The following CATSPERE variants were observed in gnomAD, a reference collection of about 807,000 sequenced individuals.
CATSPERE encodes the protein cation channel sperm-associated auxiliary subunit epsilon.
In CATSPERE, 93 loss-of-function variants were observed where a neutral mutation model predicts 114.1. That is an observed-to-expected ratio of 0.81 (90% CI 0.69 to 0.97). CATSPERE has a LOEUF of 0.97. CATSPERE is among the 50% of genes least tolerant of loss of function. The pLI, the probability that CATSPERE is intolerant of heterozygous loss-of-function variation, is 0.00. For missense variants in CATSPERE, 1,058 were observed against 1,131.6 expected (o/e 0.93, Z 0.93); for synonymous variants, 341 against 384.1 (o/e 0.89, Z 1.31).
At chr1:244,530,838 A>G (rs932905205) in intron 8 of CATSPERE, among the ~76,000 whole-genome samples, 1 of 152,234 alleles carries the variant, frequency 6.6e-6, no homozygotes, top group East Asian at 1.9e-4. Flanking sequence ...TAGAAATGCT[A>G]CTGATTTTTA....
At chr1:244,634,932 C>T (rs1002173040) in intron 20 of CATSPERE, among the ~76,000 whole-genome samples, 4 of 152,210 alleles carry the variant, frequency 2.6e-5, no homozygotes, top group African/African-American at 9.7e-5. Flanking sequence ...GCAACCTCCG[C>T]CTCCTGGGTT....
chr1:244,549,116 C>G (rs1443615830), intron 8 of CATSPERE, among the ~76,000 whole-genome samples: 1 of 152,110 alleles, frequency 6.6e-6, no homozygotes, highest in Non-Finnish European at 1.5e-5. Flanking sequence ...ACAGGAGATC[C>G]CTTATGCATC....
chr1:244,572,100 T>TGTTATATAAGTGATATAGG (rs1361373036), intron 10 of CATSPERE, among the ~76,000 whole-genome samples: 1 of 152,200 alleles, frequency 6.6e-6, no homozygotes, highest in Non-Finnish European at 1.5e-5. Flanking sequence ...TGTTAAATGA[T>TGTTATATAAGTGATATAGG]GTTATATAAG....
Position 244,572,548 on chromosome 1 carries a change from G to A in CATSPERE, c.1726G>A (p.Ala576Thr). 1.2e-6 allele frequency: 2 copies of A among 1,614,030 alleles called. No homozygotes were observed. The highest frequency in any genetic ancestry group is 1.7e-6 in the Non-Finnish European group (2 of 1,179,924). The change falls in exon 11 of 22, where the codon GCT (alanine) becomes ACT (threonine). Residue 576 changes from alanine to threonine, a missense_variant. By Grantham distance (58) the Ala-to-Thr change is moderately conservative. Around this residue, in one of 2 missense-constraint regions of CATSPERE, gnomAD observed 787 missense variants for 905.6 expected, o/e 0.87. Coordinates refer to ENST00000366534, the MANE Select transcript of CATSPERE (RefSeq NM_001130957.2). Reference sequence around the variant, plus strand: ...CTTACATCTGGAAGCACAAAGTATAGCTTTCACAACAAAAGACAAATGCCC... The same window carrying A: ...CTTACATCTGGAAGCACAAAGTATAACTTTCACAACAAAAGACAAATGCCC... ...YPLHLEAQSIAFTTKDKCPYM... is the reference protein window; with the variant it reads ...YPLHLEAQSITFTTKDKCPYM...
chr1:244,561,156 C>T lies in CATSPERE; in HGVS notation c.1507+11C>T. 2.7e-6 allele frequency: 4 copies of T among 1,464,470 alleles called. No homozygotes were observed. The highest frequency in any genetic ancestry group is 2.3e-5 in the East Asian group (1 of 44,084). The allele number at this position is 1,464,470 out of a possible 1,614,324, so 90.7% of individuals were successfully genotyped here. On this transcript the variant is annotated intron_variant, in intron 10 of 21. Transcript: ENST00000366534. ...ATGAAGTTTTCATAGGTAAGGCATT[C>T]TCAGTCCACTAACATTATTCTAGAT... is the stretch of plus-strand genomic sequence containing the variant.
chr1:244,530,667 C>A lies in CATSPERE; in HGVS notation c.536+11969C>A, dbSNP rs146239102. 4.7e-3 allele frequency among the ~76,000 whole-genome samples: 722 copies of A among 152,092 alleles called. 4 individuals carry two copies. The highest frequency in any genetic ancestry group is 0.017 in the African/African-American group (694 of 41,508). The stretch of plus-strand genomic sequence containing the variant: ...CAATCCATGAACATGGAATGTTTTC[C>A]TTTTTTGTGTCCTCTTTAGTTGTTG... On this transcript the variant is annotated intron_variant, in intron 8 of 21. Transcript: ENST00000366534.
At chr1:244,538,802 A>AT (rs1423592699) in intron 8 of CATSPERE, among the ~76,000 whole-genome samples, 1 of 152,130 alleles carries the variant, frequency 6.6e-6, no homozygotes, top group African/African-American at 2.4e-5. Flanking sequence ...CACAGGACAC[A>AT]TTGGGAGTAC....
chr1:244,513,644 G>A (rs1572491913), intron 7 of CATSPERE, among the ~76,000 whole-genome samples: 2 of 152,176 alleles, frequency 1.3e-5, no homozygotes, highest in Non-Finnish European at 2.9e-5. Flanking sequence ...AACGAGCAGG[G>A]TGGATCTATC....
chr1:244,601,519 T>C (rs1443941403), intron 17 of CATSPERE, among the ~76,000 whole-genome samples: 1 of 152,132 alleles, frequency 6.6e-6, no homozygotes, highest in Non-Finnish European at 1.5e-5. Flanking sequence ...ATAAGACAGA[T>C]TACCTACAAT....
intron 8 of CATSPERE, among the ~76,000 whole-genome samples, chr1:244,537,798 A>G (rs747265387): frequency 6.6e-6 from 1 of 152,132 alleles, no homozygotes; most frequent in Non-Finnish European, 1.5e-5. Flanking sequence ...GTGAATTCTT[A>G]TGTGGGACTG....
Position 244,580,957 on chromosome 1 carries a change from C to T in CATSPERE, c.1951-839C>T, listed in dbSNP as rs140384866. The stretch of plus-strand genomic sequence containing the variant: ...TGGAGGTTGTAGTGAGCCAAGATTG[C>T]GCCATTGCACTTCAGCCTGGGCGAC... On this transcript the variant is annotated intron_variant, in intron 11 of 21. Coordinates refer to ENST00000366534, the MANE Select transcript of CATSPERE (RefSeq NM_001130957.2). 2.3e-3 allele frequency among the ~76,000 whole-genome samples: 352 copies of T among 152,032 alleles called. 2 individuals carry two copies. The highest frequency in any genetic ancestry group is 7.9e-3 in the African/African-American group (328 of 41,468).
Position 244,477,624 on chromosome 1 carries a change from A to G in CATSPERE, c.188+10A>G, listed in dbSNP as rs1287810231. On this transcript the variant is annotated intron_variant, in intron 3 of 21. Coordinates refer to ENST00000366534, the MANE Select transcript of CATSPERE (RefSeq NM_001130957.2). Reference sequence around the variant, plus strand: ...TTGTGCTAAATAAAAGGTAAGATTTATGCCATGAATATCAATGTATGTGTA... The same window carrying G: ...TTGTGCTAAATAAAAGGTAAGATTTGTGCCATGAATATCAATGTATGTGTA... 13 of 1,510,782 alleles carry G rather than the reference A, an allele frequency of 8.6e-6. No homozygotes were observed. The highest frequency in any genetic ancestry group is 1.1e-5 in the Non-Finnish European group (12 of 1,088,392). The allele number at this position is 1,510,782 out of a possible 1,614,324, so 93.6% of individuals were successfully genotyped here. A position where few individuals can be genotyped will look rare whatever the true frequency, so the allele number is the denominator to read the frequency against.
In CATSPERE at chr1:244,560,671, A is replaced by G; in HGVS notation, c.1033A>G (p.Lys345Glu). 4 of 1,568,360 alleles carry G rather than the reference A, an allele frequency of 2.6e-6. No individual in the cohort carries two copies. The highest frequency in any genetic ancestry group is 3.5e-6 in the Non-Finnish European group (4 of 1,158,368). Residue 345 changes from lysine (K) to glutamate (E), a missense_variant, in exon 10 of 22, where the codon AAA becomes GAA. This residue lies in a region of CATSPERE where 787 missense variants were observed against 905.6 expected (regional missense o/e 0.87). Coordinates refer to ENST00000366534, the MANE Select transcript of CATSPERE (RefSeq NM_001130957.2). Reference sequence around the variant, plus strand: ...ATCATTTTTCATTTTGTCACAGGCTAAAGGAAGAAGAAGCACCTTTGCAGT... The same window carrying G: ...ATCATTTTTCATTTTGTCACAGGCTGAAGGAAGAAGAAGCACCTTTGCAGT... ...WCWVNYLLKA[K>E]GRRSTFAVWT...
At chr1:244,473,728 A>C (rs910275134) in intron 2 of CATSPERE, among the ~76,000 whole-genome samples, 1 of 151,964 alleles carries the variant, frequency 6.6e-6, no homozygotes, top group Admixed American at 6.6e-5. Flanking sequence ...TTTCTGGGTC[A>C]CTTTTTTCTT....
chr1:244,580,778 A>G (rs1210509438), intron 11 of CATSPERE, among the ~76,000 whole-genome samples: 1 of 152,066 alleles, frequency 6.6e-6, no homozygotes, highest in Admixed American at 6.6e-5. Flanking sequence ...AGGCAGGTGG[A>G]TCGCCTGAGG....
chr1:244,461,355 G>T lies in CATSPERE; in HGVS notation c.-75G>T, dbSNP rs764481788. 275 of 1,248,686 alleles carry T rather than the reference G, an allele frequency of 2.2e-4. No homozygotes were observed. The highest frequency in any genetic ancestry group is 2.7e-4 in the Non-Finnish European group (264 of 979,490). 77.4% of individuals were successfully genotyped at this position (1,248,686 alleles called of 1,614,324 possible). On this transcript the variant is annotated 5_prime_UTR_variant, in exon 1 of 22. Coordinates refer to ENST00000366534, the MANE Select transcript of CATSPERE (RefSeq NM_001130957.2). Reference sequence around the variant, plus strand: ...CCAGGCGCCTGCAGCCGCCCGCCGGGCCGACGTCCCACGGGAATGCGCGAG... The same window carrying T: ...CCAGGCGCCTGCAGCCGCCCGCCGGTCCGACGTCCCACGGGAATGCGCGAG...
In CATSPERE at chr1:244,628,527, TCTA is replaced by T. The variant is rs542624994; in HGVS notation, c.2649-6958_2649-6956del. On this transcript the variant is annotated intron_variant, in intron 20 of 21. Coordinates refer to ENST00000366534, the MANE Select transcript of CATSPERE (RefSeq NM_001130957.2). ...TTCACATAAAACCCCAAATTTCAGATCTACTAGTCTCATTCTAAGAATTTCATC... is the reference window on the plus strand; with the variant it reads ...TTCACATAAAACCCCAAATTTCAGATCTAGTCTCATTCTAAGAATTTCATC... Among the ~76,000 whole-genome samples the T allele has an allele frequency of 9.9e-5, 15 of 152,076 alleles. No individual in the cohort carries two copies. In the East Asian group the frequency reaches 2.9e-3, roughly 29 times the overall value.
chr1:244,616,366 A>G (rs1671399689), intron 19 of CATSPERE, among the ~76,000 whole-genome samples: 1 of 152,200 alleles, frequency 6.6e-6, no homozygotes. Context: ...TGAAGGAGGA[A>G]TATTTCAAAA....
chr1:244,493,799 C>T (rs1672635882), intron 6 of CATSPERE, among the ~76,000 whole-genome samples: 1 of 152,150 alleles, frequency 6.6e-6, no homozygotes, highest in Non-Finnish European at 1.5e-5. Context: ...AGGATATGAA[C>T]AGACACTTCT....
Sources: gnomAD v4.1 joint callset for allele counts (sites outside exome capture counted in the v4.1 genomes callset) on GRCh38, gnomAD v4.1.1 for gene constraint, gnomAD v4.1.1 regional missense constraint, MANE v1.5 for transcripts, NCBI Gene and HGNC (gene_info 2026-07-23, HGNC 2026-07-21) for gene names.